The following ST18 variants were observed in gnomAD, a reference collection of about 807,000 sequenced individuals.
ST18 encodes the protein ST18 C2H2C-type zinc finger transcription factor.
In ST18, 50 loss-of-function variants were observed where a neutral mutation model predicts 110.0. The observed-to-expected ratio is 0.45, with a 90% CI of 0.36 to 0.58. The LOEUF (loss-of-function observed/expected upper bound fraction) is 0.58, where lower values mean the gene tolerates loss of function less well. Among genes scored for constraint, ST18 ranks in the 20% least tolerant of loss-of-function variants. The pLI is 0.00. For missense variants in ST18, 1,306 were observed against 1,280.1 expected (o/e 1.02, Z -0.31); for synonymous variants, 461 against 452.4 (o/e 1.02, Z -0.24).
At chr8:52,244,678 A>G (rs1056702050) in intron 2 of ST18, among the ~76,000 whole-genome samples, 2 of 152,190 alleles carry the variant, frequency 1.3e-5, no homozygotes, top group African/African-American at 4.8e-5. Context: ...TTGTCCCTAC[A>G]TGTTTTCCAA....
intron 15 of ST18, among the ~76,000 whole-genome samples, chr8:52,152,513 G>A (rs1354267663): frequency 6.6e-6 from 1 of 152,106 alleles, no homozygotes; most frequent in Non-Finnish European, 1.5e-5. Flanking sequence ...TGTTCTTTCC[G>A]ACTTAGAGGG....
At chr8:52,382,226 C>T (rs1834836887) in intron 2 of ST18, among the ~76,000 whole-genome samples, 1 of 152,150 alleles carries the variant, frequency 6.6e-6, no homozygotes, top group Non-Finnish European at 1.5e-5. Flanking sequence ...AGCTGGATAA[C>T]ATTTACGGCA....
intron 2 of ST18, among the ~76,000 whole-genome samples, chr8:52,309,800 A>G (rs1246727957): frequency 6.6e-6 from 1 of 152,032 alleles, no homozygotes; most frequent in Non-Finnish European, 1.5e-5. Context: ...ACCATGACCT[A>G]CTCAGATTCA....
intron 11 of ST18, among the ~76,000 whole-genome samples, chr8:52,166,081 G>C (rs1378026145): frequency 6.6e-6 from 1 of 152,300 alleles, no homozygotes; most frequent in African/African-American, 2.4e-5. Context: ...AGGCCAGGAG[G>C]ACCATGGTGA....
At chr8:52,221,351 C>A (rs541593157) in intron 4 of ST18, among the ~76,000 whole-genome samples, 1 of 152,164 alleles carries the variant, frequency 6.6e-6, no homozygotes, top group African/African-American at 2.4e-5. Flanking sequence ...AACATGATAC[C>A]AATCCTTTTG....
At chr8:52,183,100 C>T (rs893566935) in intron 8 of ST18, among the ~76,000 whole-genome samples, 2 of 152,196 alleles carry the variant, frequency 1.3e-5, no homozygotes, top group African/African-American at 2.4e-5. Context: ...ACGTCCTCTC[C>T]TCCATTTTAC....
intron 2 of ST18, among the ~76,000 whole-genome samples, chr8:52,265,712 G>A (rs532165512): frequency 1.8e-4 from 27 of 152,270 alleles, no homozygotes; most frequent in African/African-American, 6.5e-4. Context: ...TGTCCTGGTG[G>A]GTTAGGAAAA....
chr8:52,369,252 C>A (rs1829328027), intron 2 of ST18, among the ~76,000 whole-genome samples: 1 of 152,174 alleles, frequency 6.6e-6, no homozygotes. Context: ...GGCAAATGGT[C>A]TCCCAGACTA....
intron 2 of ST18, among the ~76,000 whole-genome samples, chr8:52,248,145 C>T (rs895103323): frequency 2.0e-5 from 3 of 152,162 alleles, no homozygotes; most frequent in African/African-American, 4.8e-5. Context: ...GAATCTTTCA[C>T]GAATACTACT....
intron 14 of ST18, among the ~76,000 whole-genome samples, chr8:52,160,011 AAAACACTGGC>A (rs1221487539): frequency 2.0e-5 from 3 of 152,136 alleles, no homozygotes; most frequent in South Asian, 2.1e-4. Context: ...AACAAAACTT[AAAACACTGGC>A]AAATGTTATA....
chr8:52,183,466 T>C (rs1428968210), intron 8 of ST18, among the ~76,000 whole-genome samples: 3 of 152,236 alleles, frequency 2.0e-5, no homozygotes, highest in Non-Finnish European at 4.4e-5. Flanking sequence ...GTAAGGTTTT[T>C]ATCAGAACTA....
Position 52,167,157 on chromosome 8 carries a change from AC to A in ST18, c.1070-172del, listed in dbSNP as rs1349473545. Among the ~76,000 whole-genome samples the A allele has an allele frequency of 3.9e-5, 6 of 152,350 alleles. No individual in the cohort carries two copies. The East Asian group carries it at 1.2e-3, about 29-fold the overall frequency. On this transcript the variant is annotated intron_variant, in intron 10 of 25. Coordinates refer to ENST00000689386, the MANE Select transcript of ST18 (RefSeq NM_001352837.2). ...CAACTAAGACCTGTGGAAACGGAAA[AC>A]ATGTTTTCAATTTTCTTGGTTTCCT...
At chr8:52,385,021 A>C (rs1183101181) in intron 2 of ST18, among the ~76,000 whole-genome samples, 1 of 152,242 alleles carries the variant, frequency 6.6e-6, no homozygotes, top group Admixed American at 6.5e-5. Flanking sequence ...TACATTGACA[A>C]GTACTTTCAC....
At chr8:52,391,518 G>A (rs112856246) in intron 2 of ST18, among the ~76,000 whole-genome samples, 1,991 of 152,276 alleles carry the variant, frequency 0.013, 23 homozygotes, top group Non-Finnish European at 0.02. Flanking sequence ...GGTCTCATGA[G>A]ATTATAATAC....
chr8:52,232,264 C>T (rs2091619433), intron 2 of ST18, among the ~76,000 whole-genome samples: 1 of 152,136 alleles, frequency 6.6e-6, no homozygotes, highest in South Asian at 2.1e-4. Flanking sequence ...CTTGATCTTC[C>T]CTTCAGATGA....
intron 15 of ST18, among the ~76,000 whole-genome samples, chr8:52,151,428 GTAAA>G (rs2058778572): frequency 6.6e-6 from 1 of 152,088 alleles, no homozygotes; most frequent in South Asian, 2.1e-4. Flanking sequence ...TCCCTTTTTA[GTAAA>G]TAGTTTAATC....
At chr8:52,235,895 A>G (rs1035987889) in intron 2 of ST18, among the ~76,000 whole-genome samples, 23 of 152,248 alleles carry the variant, frequency 1.5e-4, no homozygotes, top group Non-Finnish European at 2.8e-4. Context: ...CTACAATTAG[A>G]GGAATGACTG....
intron 17 of ST18, 98 bp from the exon 18 acceptor site, chr8:52,137,581 G>T: frequency 8.3e-7 from 1 of 1,208,742 alleles, no homozygotes; most frequent in Non-Finnish European, 1.2e-6. Context: ...CTCTGTGCGA[G>T]ATAAGTTAAC....
intron 2 of ST18, among the ~76,000 whole-genome samples, chr8:52,289,745 G>T (rs1475880306): frequency 6.6e-6 from 1 of 152,214 alleles, no homozygotes; most frequent in East Asian, 1.9e-4. Flanking sequence ...CCTCCACATT[G>T]CAGGGGCTCA....
Sources: allele counts gnomAD v4.1 joint callset (sites outside exome capture counted in the v4.1 genomes callset), GRCh38; gene constraint gnomAD v4.1.1; transcripts MANE v1.5; gene names NCBI Gene and HGNC (gene_info 2026-07-23, HGNC 2026-07-21).